The following NLGN1 variants were observed in gnomAD, a reference collection of about 807,000 sequenced individuals.
The protein encoded by NLGN1 is neuroligin-1.
A neutral mutation model predicts 65.5 loss-of-function variants in NLGN1; 12 were observed. That is an observed-to-expected ratio of 0.18 (90% CI 0.12 to 0.30). The LOEUF (loss-of-function observed/expected upper bound fraction) is 0.30. NLGN1 is among the 10% of genes least tolerant of loss of function. The pLI, the probability that NLGN1 is intolerant of heterozygous loss-of-function variation, is 1.00. For synonymous variants in NLGN1, 350 were observed against 359.5 expected (o/e 0.97, Z 0.30); for missense variants, 750 against 1,007.1 (o/e 0.74, Z 3.46).
intron 2 of NLGN1, among the ~76,000 whole-genome samples, chr3:173,520,063 A>G (rs1734505683): frequency 1.3e-5 from 2 of 152,140 alleles, no homozygotes; most frequent in Non-Finnish European, 2.9e-5. Flanking sequence ...AAAAGTGTGT[A>G]GCACCTTCCT....
chr3:173,490,053 G>A (rs1728852633), intron 2 of NLGN1, among the ~76,000 whole-genome samples: 1 of 152,114 alleles, frequency 6.6e-6, no homozygotes, highest in African/African-American at 2.4e-5. Context: ...CACTCTGATG[G>A]TAGTTTCTTT....
chr3:173,593,826 C>T (rs927706768), intron 2 of NLGN1, among the ~76,000 whole-genome samples: 6 of 152,128 alleles, frequency 3.9e-5, no homozygotes, highest in South Asian at 2.1e-4. Context: ...AGAATCATGG[C>T]GGGAGATGAA....
At chr3:174,108,243 A>G (rs1338321577) in intron 4 of NLGN1, among the ~76,000 whole-genome samples, 1 of 152,042 alleles carries the variant, frequency 6.6e-6, no homozygotes, top group East Asian at 1.9e-4. Flanking sequence ...TTTCTCCTGC[A>G]TTCTTTTATA....
At chr3:173,865,009 G>C (rs1473117310) in intron 4 of NLGN1, among the ~76,000 whole-genome samples, 3 of 152,152 alleles carry the variant, frequency 2.0e-5, no homozygotes, top group Non-Finnish European at 4.4e-5. Flanking sequence ...TGGTGTTTAA[G>C]TAGTGAAACT....
intron 3 of NLGN1, among the ~76,000 whole-genome samples, chr3:173,630,473 A>G (rs979762752): frequency 1.3e-5 from 2 of 152,158 alleles, no homozygotes; most frequent in Non-Finnish European, 2.9e-5. Context: ...GCTTTATTAA[A>G]ATATGCATGG....
chr3:173,832,305 G>A (rs560460147), intron 4 of NLGN1, among the ~76,000 whole-genome samples: 7 of 152,178 alleles, frequency 4.6e-5, no homozygotes, highest in African/African-American at 1.4e-4. Flanking sequence ...CCTGACCAAT[G>A]AATCACAAAA....
At chr3:173,881,940 C>T (rs1347476594) in intron 4 of NLGN1, among the ~76,000 whole-genome samples, 1 of 152,118 alleles carries the variant, frequency 6.6e-6, no homozygotes, top group Admixed American at 6.5e-5. Context: ...GAATCACTCT[C>T]TATGACATCT....
At chr3:173,530,652 T>G (rs1413884434) in intron 2 of NLGN1, among the ~76,000 whole-genome samples, 1 of 152,204 alleles carries the variant, frequency 6.6e-6, no homozygotes, top group African/African-American at 2.4e-5. Context: ...AGAGAAAACA[T>G]TATTGAGTTG....
intron 4 of NLGN1, among the ~76,000 whole-genome samples, chr3:174,009,519 T>G (rs1205246902): frequency 1.3e-5 from 2 of 152,144 alleles, no homozygotes; most frequent in Non-Finnish European, 2.9e-5. Flanking sequence ...TTAGAGAGAC[T>G]ACATCCCTGT....
intron 4 of NLGN1, among the ~76,000 whole-genome samples, chr3:174,092,618 CTTATTATTATGATGATGGTTA>C (rs1025888129): frequency 1.4e-4 from 21 of 151,504 alleles, no homozygotes; most frequent in African/African-American, 4.8e-4. Context: ...TAACGTTTCT[CTTATTATTATGATGATGGTTA>C]TTATTATTAT....
intron 2 of NLGN1, among the ~76,000 whole-genome samples, chr3:173,452,430 C>T (rs898755180): frequency 6.6e-6 from 1 of 152,202 alleles, no homozygotes; most frequent in Admixed American, 6.5e-5. Context: ...TCATGATCCA[C>T]CCGCCTTGGC....
intron 2 of NLGN1, among the ~76,000 whole-genome samples, chr3:173,496,792 G>GAAATA (rs1264850843): frequency 6.6e-6 from 1 of 151,814 alleles, no homozygotes; most frequent in Non-Finnish European, 1.5e-5. Flanking sequence ...AAGATTTAAA[G>GAAATA]AAATAAGACT....
chr3:173,572,128 T>TA (rs1454489921), intron 2 of NLGN1, among the ~76,000 whole-genome samples: 3 of 152,254 alleles, frequency 2.0e-5, no homozygotes, highest in African/African-American at 7.2e-5. Context: ...GTTACCATTC[T>TA]ACAGAGTCTA....
intron 3 of NLGN1, among the ~76,000 whole-genome samples, chr3:173,637,725 T>A (rs1222493943): frequency 6.6e-6 from 1 of 152,130 alleles, no homozygotes; most frequent in Non-Finnish European, 1.5e-5. Flanking sequence ...GAGCCTTGGG[T>A]GAAAAGACCA....
At chr3:173,965,975 ATATC>A (rs141187019) in intron 4 of NLGN1, among the ~76,000 whole-genome samples, 1,761 of 152,232 alleles carry the variant, frequency 0.012, 36 homozygotes, top group African/African-American at 0.04. Flanking sequence ...AGCAGTACAA[ATATC>A]TATCTTTTAA....
intron 3 of NLGN1, among the ~76,000 whole-genome samples, chr3:173,701,048 C>A (rs1350392492): frequency 6.6e-6 from 1 of 152,060 alleles, no homozygotes; most frequent in East Asian, 1.9e-4. Context: ...TGGCGTGAAC[C>A]CAGGAGGTGG....
chr3:173,604,528 A>G, exon 3 of NLGN1: 1 of 1,517,710 alleles, frequency 6.6e-7, no homozygotes, highest in South Asian at 1.2e-5. Context: ...ACCATTATAC[A>G]GTCTTTCTCA....
chr3:173,626,877 G>C (rs1455497478), intron 3 of NLGN1, among the ~76,000 whole-genome samples: 1 of 151,988 alleles, frequency 6.6e-6, no homozygotes, highest in Non-Finnish European at 1.5e-5. Flanking sequence ...TTCATAATCT[G>C]TTCCTCATTT....
Position 173,584,124 on chromosome 3 carries a change from T to C in NLGN1, c.-320-20155T>C, listed in dbSNP as rs926772178. 3.0e-4 allele frequency among the ~76,000 whole-genome samples: 46 copies of C among 152,018 alleles called. 1 individual carries two copies. Among genetic ancestry groups the C allele is most frequent in the African/African-American group, 1.0e-3 (43 of 41,470 alleles). ...AGACAGAAACACAGAAGATTCAGTC[T>C]TTAAACGTAAAACAAAGAAACATCA... On this transcript the variant is annotated intron_variant, in intron 2 of 6. Coordinates refer to ENST00000457714, the Ensembl canonical transcript of NLGN1.
Sources: allele counts gnomAD v4.1 joint callset (sites outside exome capture counted in the v4.1 genomes callset), GRCh38; gene constraint gnomAD v4.1.1; transcripts MANE v1.5; gene names NCBI Gene and HGNC (gene_info 2026-07-23, HGNC 2026-07-21).